The following ERP44 variants were observed in gnomAD, a reference collection of about 807,000 sequenced individuals.
ERP44 encodes the protein endoplasmic reticulum protein 44.
ERP44 carries 25 observed loss-of-function variants against 53.4 expected under a neutral mutation model. The observed-to-expected ratio is 0.47, with a 90% CI of 0.34 to 0.65. The LOEUF (loss-of-function observed/expected upper bound fraction) is 0.65, where lower values mean the gene tolerates loss of function less well. ERP44 is among the 30% of genes least tolerant of loss of function. ERP44 has a pLI of 0.01. For missense variants in ERP44, 338 were observed against 493.2 expected (o/e 0.69, Z 2.98); for synonymous variants, 145 against 161.2 (o/e 0.90, Z 0.76).
chr9:100,081,698 C>A (rs1232281640), intron 1 of ERP44, among the ~76,000 whole-genome samples: 1 of 152,072 alleles, frequency 6.6e-6, no homozygotes, highest in Non-Finnish European at 1.5e-5. Context: ...CAGCCCAAAG[C>A]CATAATCACG....
chr9:99,979,479 C>T lies in ERP44; in HGVS notation c.*3133G>A, dbSNP rs1830124232. 6.5e-6 allele frequency: 1 copy of T among 152,684 alleles called. No homozygotes were observed. The highest frequency in any genetic ancestry group is 1.5e-5 in the Non-Finnish European group (1 of 68,374). 9.5% of individuals were successfully genotyped at this position (152,684 alleles called of 1,614,324 possible). On this transcript the variant is annotated 3_prime_UTR_variant, in exon 12 of 12. Transcript: ENST00000262455. ...TTCTTTTGCAAATGATCTTTGACAA[C>T]CTGGCTTCATCAGAGAGCTCTGAGA...
intron 10 of ERP44, among the ~76,000 whole-genome samples, chr9:99,996,742 C>A (rs2118616121): frequency 6.6e-6 from 1 of 152,292 alleles, no homozygotes; most frequent in African/African-American, 2.4e-5. Flanking sequence ...TTTGTGTCCT[C>A]ATAGCTTAGC....
chr9:100,040,703 A>G (rs1353956620), intron 4 of ERP44, among the ~76,000 whole-genome samples: 1 of 152,206 alleles, frequency 6.6e-6, no homozygotes. Flanking sequence ...CCAAATTAGA[A>G]AGGAAAAAGT....
chr9:100,076,431 C>T, intron 1 of ERP44, among the ~76,000 whole-genome samples: 1 of 152,182 alleles, frequency 6.6e-6, no homozygotes, highest in East Asian at 1.9e-4. Context: ...AGACTAGGGC[C>T]TGGTTCACAG....
intron 10 of ERP44, among the ~76,000 whole-genome samples, chr9:100,005,488 A>C (rs1196081867): frequency 6.6e-6 from 1 of 152,262 alleles, no homozygotes; most frequent in Non-Finnish European, 1.5e-5. Context: ...AGCATAGATA[A>C]AGTAAGAACA....
intron 1 of ERP44, among the ~76,000 whole-genome samples, chr9:100,079,413 T>TACTTAC (rs1826395669): frequency 7.3e-6 from 1 of 137,270 alleles, no homozygotes; most frequent in South Asian, 2.6e-4. Flanking sequence ...AACTCCCCTT[T>TACTTAC]ACACACACAC....
intron 10 of ERP44, among the ~76,000 whole-genome samples, chr9:99,989,627 C>G (rs1266218653): frequency 6.6e-6 from 1 of 152,216 alleles, no homozygotes; most frequent in Non-Finnish European, 1.5e-5. Flanking sequence ...AAAACCAAAG[C>G]ACCTCTTCTC....
intron 4 of ERP44, among the ~76,000 whole-genome samples, chr9:100,039,893 T>C (rs1825884395): frequency 6.6e-6 from 1 of 152,166 alleles, no homozygotes; most frequent in African/African-American, 2.4e-5. Flanking sequence ...TGTGTGCAAC[T>C]ATTTGCCAAT....
At chr9:100,087,125 CA>C (rs959805085) in intron 1 of ERP44, among the ~76,000 whole-genome samples, 5 of 150,944 alleles carry the variant, frequency 3.3e-5, no homozygotes, top group Admixed American at 6.6e-5. Flanking sequence ...GAACAGAATT[CA>C]AACCCTAATC....
chr9:100,057,982 T>C (rs1826103258), intron 2 of ERP44, 123 bp from the exon 3 acceptor site: 4 of 708,440 alleles, frequency 5.6e-6, no homozygotes, highest in Non-Finnish European at 4.8e-6. Context: ...GTAACTATTA[T>C]CTCTCACTCA....
At chr9:100,081,029 A>G (rs1826416167) in intron 1 of ERP44, among the ~76,000 whole-genome samples, 1 of 150,790 alleles carries the variant, frequency 6.6e-6, no homozygotes, top group African/African-American at 2.4e-5. Flanking sequence ...AGAAAAACTG[A>G]AAAAAAAATA....
At chr9:100,074,955 C>A (rs1826340298) in intron 1 of ERP44, among the ~76,000 whole-genome samples, 2 of 152,282 alleles carry the variant, frequency 1.3e-5, no homozygotes, top group African/African-American at 2.4e-5. Flanking sequence ...GCTGGCAGAA[C>A]CCCCACATTG....
chr9:100,022,089 C>T lies in ERP44; in HGVS notation c.424G>A (p.Asp142Asn), dbSNP rs758192612. The T allele has an allele frequency of 1.2e-6, 2 of 1,613,640 alleles. No individual in the cohort carries two copies. Among genetic ancestry groups the T allele is most frequent in the South Asian group, 1.1e-5 (1 of 91,032 alleles). ...AAGTCCCGAATTTCTTGAATGGGGT[C>T]ACTTTTTTGTTGCCTGATGTAATCT... is the stretch of plus-strand genomic sequence containing the variant. ...LADYIRQQKS[D>N]PIQEIRDLAE... The change falls in exon 5 of 12, where the codon GAC becomes AAC. Residue 142 changes from aspartate (D) to asparagine (N), a missense_variant. Coordinates refer to ENST00000262455, the MANE Select transcript of ERP44 (RefSeq NM_015051.3).
At chr9:100,013,401 C>A (rs1275524731) in intron 8 of ERP44, among the ~76,000 whole-genome samples, 3 of 150,170 alleles carry the variant, frequency 2.0e-5, no homozygotes, top group African/African-American at 7.3e-5. Flanking sequence ...TAATAAAACA[C>A]TTTTTGAAAG....
intron 5 of ERP44, among the ~76,000 whole-genome samples, chr9:100,021,693 AAAGT>A (rs1830591444): frequency 6.6e-6 from 1 of 152,198 alleles, no homozygotes; most frequent in Non-Finnish European, 1.5e-5. Context: ...AGCTCATACA[AAAGT>A]AATTAGAGCA....
At chr9:100,010,548 A>G (rs17811585) in intron 8 of ERP44, among the ~76,000 whole-genome samples, 3,049 of 152,202 alleles carry the variant, frequency 0.02, 47 homozygotes, top group Non-Finnish European at 0.032. Context: ...AGTGAATGCA[A>G]ATTTTTTTAA....
In ERP44 at chr9:99,998,494, C is replaced by A. The variant is rs1191325715; in HGVS notation, c.1016+8012G>T. On this transcript the variant is annotated intron_variant, in intron 10 of 11. Coordinates refer to ENST00000262455, the MANE Select transcript of ERP44 (RefSeq NM_015051.3). ...CTCTTCCTGGTCTCTCCACGGCCTC[C>A]CTCGGAGCCCCGCTGTCCCGGCTCC... is the stretch of plus-strand genomic sequence containing the variant. 16 of 713,036 alleles carry A rather than the reference C, an allele frequency of 2.2e-5. No individual in the cohort carries two copies. The Admixed American group carries it at 3.2e-4, about 14-fold the overall frequency. The allele number at this position is 713,036 out of a possible 1,614,324, so 44.2% of individuals were successfully genotyped here.
intron 1 of ERP44, among the ~76,000 whole-genome samples, chr9:100,080,316 A>G (rs1432487564): frequency 6.6e-6 from 1 of 152,036 alleles, no homozygotes; most frequent in Non-Finnish European, 1.5e-5. Context: ...TACAGGACTG[A>G]ACATCTGCTC....
At chr9:100,017,667 A>AT (rs1055604279) in intron 7 of ERP44, among the ~76,000 whole-genome samples, 14 of 151,948 alleles carry the variant, frequency 9.2e-5, no homozygotes, top group East Asian at 3.8e-4. Flanking sequence ...ATAAATTTCA[A>AT]TTTTTTTTGG....
Sources: gnomAD v4.1 joint callset for allele counts (sites outside exome capture counted in the v4.1 genomes callset) on GRCh38, gnomAD v4.1.1 for gene constraint, MANE v1.5 for transcripts, NCBI Gene and HGNC (gene_info 2026-07-23, HGNC 2026-07-21) for gene names.